Variants in ST6GALNAC1 observed in about 807,000 individuals in gnomAD.
The protein encoded by ST6GALNAC1 is ST6 N-acetylgalactosaminide alpha-2,6-sialyltransferase 1.
In ST6GALNAC1, 45 loss-of-function variants were observed where a neutral mutation model predicts 56.8. That is an observed-to-expected ratio of 0.79 (90% CI 0.62 to 1.02). The LOEUF (loss-of-function observed/expected upper bound fraction) is 1.02. Among genes scored for constraint, ST6GALNAC1 ranks in the 50% least tolerant of loss-of-function variants. The pLI is 0.00. For synonymous variants in ST6GALNAC1, 295 were observed against 297.8 expected (o/e 0.99, Z 0.10); for missense variants, 743 against 754.8 (o/e 0.98, Z 0.18).
chr17:76,639,529 C>G (rs534564403), intron 1 of ST6GALNAC1, among the ~76,000 whole-genome samples: 9 of 152,102 alleles, frequency 5.9e-5, no homozygotes, highest in Admixed American at 2.0e-4. Context: ...GAGCCAAGAT[C>G]GCGCCACTGC....
chr17:76,638,669 C>G (rs904587140), intron 1 of ST6GALNAC1, among the ~76,000 whole-genome samples: 1 of 152,138 alleles, frequency 6.6e-6, no homozygotes, highest in African/African-American at 2.4e-5. Context: ...CAAGCTCTGC[C>G]TCCCGGATTC....
chr17:76,621,648 G>T (rs188686430), downstream of ST6GALNAC1, among the ~76,000 whole-genome samples: 710 of 151,860 alleles, frequency 4.7e-3, 9 homozygotes, highest in African/African-American at 0.017. Flanking sequence ...GCTAATTTTT[G>T]TATTTTTAGT....
chr17:76,639,445 G>A (rs887426196), intron 1 of ST6GALNAC1, among the ~76,000 whole-genome samples: 2 of 151,960 alleles, frequency 1.3e-5, no homozygotes, highest in East Asian at 1.9e-4. Context: ...GCGTGGTGGC[G>A]TGCGTCTGTA....
chr17:76,638,673 C>T lies in ST6GALNAC1; in HGVS notation c.131+4835G>A, dbSNP rs1567962223. ...TCGGCTCACAGCAAGCTCTGCCTCCCGGATTCAGGCAATTCTCCCTGCCTC... is the reference window on the plus strand; with the variant it reads ...TCGGCTCACAGCAAGCTCTGCCTCCTGGATTCAGGCAATTCTCCCTGCCTC... On this transcript the variant is annotated intron_variant, in intron 1 of 8. Transcript: ENST00000156626. Among the ~76,000 whole-genome samples, 8 of 152,250 alleles carry T rather than the reference C, an allele frequency of 5.3e-5. No individual in the cohort carries two copies. The South Asian group carries it at 1.5e-3, about 28-fold the overall frequency.
downstream of ST6GALNAC1, among the ~76,000 whole-genome samples, chr17:76,621,182 C>CT (rs367846650): frequency 0.47 from 47,729 of 102,308 alleles, 12,189 homozygotes; most frequent in Middle Eastern, 0.52. Flanking sequence ...TTCTTTCTTT[C>CT]TTTCTTTTTT....
At chr17:76,620,544 A>G (rs538069173), downstream of ST6GALNAC1, among the ~76,000 whole-genome samples, 166 of 149,356 alleles carry the variant, frequency 1.1e-3, 2 homozygotes, top group South Asian at 0.01. Flanking sequence ...TAGGTAACCA[A>G]TCTCATTAGG....
At chr17:76,637,181 A>T (rs8072398) in intron 1 of ST6GALNAC1, among the ~76,000 whole-genome samples, 2,907 of 142,778 alleles carry the variant, frequency 0.02, 95 homozygotes, top group African/African-American at 0.072. Context: ...CTTTGTTCAC[A>T]TGTTTATCTG....
chr17:76,633,785 A>G (rs12450896), intron 1 of ST6GALNAC1: 47,919 of 151,930 alleles, frequency 0.32, 8,666 homozygotes, highest in East Asian at 0.58. Context: ...GCTGCCTTCT[A>G]TATTCTTCAG....
In ST6GALNAC1 at chr17:76,627,277, G is replaced by A. The variant is rs1242786100; in HGVS notation, c.1001-39C>T. ...GGGGGTGCTCCATTCAGAGCCCTGG[G>A]AGGGACAGGAGTCCGACCCATCATT... On this transcript the variant is annotated intron_variant, in intron 3 of 8. Transcript: ENST00000156626. The surrounding 1 kb of genome is among the most constrained non-coding windows in gnomAD (Gnocchi z 4.4). The A allele has an allele frequency of 8.4e-6, 13 of 1,550,758 alleles. No homozygotes were observed. The highest frequency in any genetic ancestry group is 1.1e-5 in the Non-Finnish European group (13 of 1,147,472).
chr17:76,640,773 CAT>C (rs1235461058), intron 1 of ST6GALNAC1, among the ~76,000 whole-genome samples: 3 of 152,166 alleles, frequency 2.0e-5, no homozygotes, highest in African/African-American at 7.2e-5. Flanking sequence ...AAGATGGACA[CAT>C]GTTATTGATG....
rs754819417 is a variant in ST6GALNAC1, at chr17:76,629,197, G to C, written c.646C>G (p.Gln216Glu). ...PTGAVSTRTR[Q>E]KGVTTAVIPP... The stretch of plus-strand genomic sequence containing the variant: ...ATGACTGCTGTGGTCACTCCTTTCT[G>C]TCTCGTCCTTGTTGACACTGCTCCT... Residue 216 changes from glutamine to glutamate, a missense_variant, in exon 2 of 9, where the codon CAG becomes GAG. Transcript: ENST00000156626. The C allele has an allele frequency of 3.7e-6, 6 of 1,614,152 alleles. No homozygotes were observed. Among genetic ancestry groups the C allele is most frequent in the East Asian group, 2.2e-5 (1 of 44,878 alleles).
Position 76,624,891 on chromosome 17 carries a change from A to G in ST6GALNAC1, c.*439T>C. The G allele has an allele frequency of 5.3e-6, 1 of 189,272 alleles. No homozygotes were observed. 11.7% of individuals were successfully genotyped at this position (189,272 alleles called of 1,614,324 possible). ...CAAGTATAGACCCTTCTAGAATCAG[A>G]TAACTCCTAGAAAGGTCTTCTAGAC... is the stretch of plus-strand genomic sequence containing the variant. On this transcript the variant is annotated 3_prime_UTR_variant, in exon 9 of 9. Transcript: ENST00000156626.
At chr17:76,626,441 A>G (rs762559141) in intron 5 of ST6GALNAC1, 49 bp from the exon 6 acceptor site, 60 of 1,591,534 alleles carry the variant, frequency 3.8e-5, no homozygotes, top group Admixed American at 6.7e-5. Context: ...CTTCAGGACC[A>G]CCACCGAGGG....
intron 1 of ST6GALNAC1, among the ~76,000 whole-genome samples, chr17:76,639,638 A>AACACACACACACACACACAC (rs55706272): frequency 1.6e-5 from 2 of 125,170 alleles, no homozygotes; most frequent in African/African-American, 6.5e-5. Context: ...TTACATGATA[A>AACACACACACACACACACAC]ACACACACAC....
intron 1 of ST6GALNAC1, 36 bp from the exon 2 acceptor site, chr17:76,629,747 A>G (rs1567956390): frequency 3.0e-6 from 4 of 1,340,498 alleles, no homozygotes; most frequent in Non-Finnish European, 4.2e-6. Flanking sequence ...AAGGCTGAAG[A>G]TTGTGGAAAC....
At chr17:76,636,978 C>G (rs1270496000) in intron 1 of ST6GALNAC1, among the ~76,000 whole-genome samples, 1 of 151,070 alleles carries the variant, frequency 6.6e-6, no homozygotes, top group Non-Finnish European at 1.5e-5. Context: ...CCCCCAACCC[C>G]GTGCTCTCTG....
intron 1 of ST6GALNAC1, among the ~76,000 whole-genome samples, chr17:76,636,591 C>T (rs56971897): frequency 3.3e-5 from 5 of 152,260 alleles, no homozygotes; most frequent in Admixed American, 6.5e-5. Flanking sequence ...GATGGCAAAA[C>T]GAGACTCCGT....
Position 76,629,296 on chromosome 17 carries a change from T to G in ST6GALNAC1, c.547A>C (p.Lys183Gln). The G allele has an allele frequency of 1.9e-6, 3 of 1,614,164 alleles. No individual in the cohort carries two copies. The highest frequency in any genetic ancestry group is 2.5e-6 in the Non-Finnish European group (3 of 1,180,022). Reference sequence around the variant, plus strand: ...GTGGTTGCCGCTTTGCCCTGGTGCTTCTCTGACACCGTCCTGGAGGCCGTC... The same window carrying G: ...GTGGTTGCCGCTTTGCCCTGGTGCTGCTCTGACACCGTCCTGGAGGCCGTC... Reference protein sequence around the residue: ...KLTASRTVSEKHQGKAATTAK... With the variant: ...KLTASRTVSEQHQGKAATTAK... The change falls in exon 2 of 9, where the codon AAG (lysine) becomes CAG (glutamine). Residue 183 changes from lysine to glutamine, a missense_variant. Transcript: ENST00000156626.
At chr17:76,619,359 G>A in the ST6GALNAC1 span, among the ~76,000 whole-genome samples, 3 of 152,136 alleles carry the variant, frequency 2.0e-5, no homozygotes, top group Non-Finnish European at 4.4e-5. Context: ...GTATGTATAC[G>A]TGTGTGCATG....
Sources: gnomAD v4.1 joint callset for allele counts (sites outside exome capture counted in the v4.1 genomes callset) on GRCh38, gnomAD v4.1.1 for gene constraint, Gnocchi (gnomAD v3.1) non-coding constraint, MANE v1.5 for transcripts, NCBI Gene and HGNC (gene_info 2026-07-23, HGNC 2026-07-21) for gene names.